PARP1: variants seen among roughly 807,000 people sequenced by gnomAD.
The protein encoded by PARP1 is poly [ADP-ribose] polymerase 1.
A neutral mutation model predicts 118.7 loss-of-function variants in PARP1; 44 were observed. The ratio of observed to expected loss-of-function variants is 0.37; its 90% CI spans 0.29 to 0.48. PARP1 has a LOEUF of 0.48. Ranked by LOEUF, PARP1 falls within the 20% of genes least tolerant of loss-of-function variation. The probability of loss-of-function intolerance (pLI) is 0.99; values close to 1 mark genes in which losing one functional copy is unlikely to be tolerated. For missense variants in PARP1, 1,100 were observed against 1,272.4 expected (o/e 0.86, Z 2.06); for synonymous variants, 492 against 483.2 (o/e 1.02, Z -0.24).
At position 226,401,905 on chromosome 1, in the gene PARP1, G is replaced by A. The variant is rs1211329928; in HGVS notation, c.286+309C>T. The A allele has an allele frequency of 1.3e-5, 16 of 1,239,380 alleles. No individual in the cohort carries two copies. The South Asian group carries it at 2.3e-4, about 18-fold the overall frequency. 76.8% of individuals were successfully genotyped at this position (1,239,380 alleles called of 1,614,324 possible). On this transcript the variant is annotated intron_variant, in intron 2 of 22. Transcript: ENST00000366794. ...CAAGGAAGAGCCTGTGTGGTGGGAG[G>A]GGGAGGGGGTACTGGAAACTCTTTG...
At chr1:226,364,457 G>T in intron 19 of PARP1, 1 of 338,770 alleles carries the variant, frequency 3.0e-6, no homozygotes, top group South Asian at 2.4e-5. Flanking sequence ...GAAACACGAG[G>T]TTCACAAAGG....
chr1:226,368,459 A>T (rs1286704295), intron 15 of PARP1, 138 bp from the exon 16 acceptor site: 6 of 1,052,548 alleles, frequency 5.7e-6, no homozygotes, highest in African/African-American at 3.1e-5. Flanking sequence ...GACACATGGG[A>T]AACGACCAGA....
In PARP1 at chr1:226,383,084, G is replaced by GCGGAGGCGTGGCCGCCA; in HGVS notation, c.1094_1110dup (p.Pro371TrpfsTer16). The GCGGAGGCGTGGCCGCCA allele has an allele frequency of 6.2e-7, 1 of 1,613,028 alleles. No individual in the cohort carries two copies. The highest frequency in any genetic ancestry group is 1.7e-5 in the Admixed American group (1 of 60,036). On this transcript the variant is annotated frameshift_variant, in exon 8 of 23. Coordinates refer to ENST00000366794, the MANE Select transcript of PARP1 (RefSeq NM_001618.4). LOFTEE classifies it high-confidence loss of function. Reference sequence around the variant, plus strand: ...GCAGCAGGAGCCGAGGCTGTGGAGGGCGGAGGCGTGGCCGCCACGGAGGCG... The same window carrying GCGGAGGCGTGGCCGCCA: ...GCAGCAGGAGCCGAGGCTGTGGAGGGCGGAGGCGTGGCCGCCACGGAGGCGTGGCCGCCACGGAGGCG...
chr1:226,406,530 C>G (rs1473215631), intron 1 of PARP1, among the ~76,000 whole-genome samples: 2 of 152,222 alleles, frequency 1.3e-5, no homozygotes, highest in Non-Finnish European at 2.9e-5. Context: ...GCTGGGTCAT[C>G]TCGGACTCCT....
chr1:226,389,242 C>A (rs574996744), intron 4 of PARP1, among the ~76,000 whole-genome samples: 11 of 152,078 alleles, frequency 7.2e-5, no homozygotes, highest in Non-Finnish European at 1.3e-4. Flanking sequence ...AGGCTGCTCA[C>A]AGAGGTGGGG....
At chr1:226,363,567 G>A (rs1277254890) in intron 20 of PARP1, among the ~76,000 whole-genome samples, 2 of 152,194 alleles carry the variant, frequency 1.3e-5, no homozygotes, top group African/African-American at 4.8e-5. Context: ...TGGAGAATCT[G>A]GAAGTGGAAT....
At position 226,361,433 on chromosome 1, in the gene PARP1, C is replaced by G. The variant is rs777807405; in HGVS notation, c.*27G>C. ...TCGGGTGAATTCATACCAGAGCCAC[C>G]GGGTGTGACTCGGCTACCTCTCCCA... On this transcript the variant is annotated 3_prime_UTR_variant, in exon 23 of 23. Transcript: ENST00000366794. 4.7e-6 allele frequency: 7 copies of G among 1,503,352 alleles called. No individual in the cohort carries two copies. In the Admixed American group the frequency reaches 1.2e-4, roughly 25 times the overall value. The allele number at this position is 1,503,352 out of a possible 1,614,324, so 93.1% of individuals were successfully genotyped here. A position where few individuals can be genotyped will look rare whatever the true frequency, so the allele number is the denominator to read the frequency against.
In PARP1 at chr1:226,386,459, G is replaced by C; in HGVS notation, c.718-17C>G. On this transcript the variant is annotated splice_polypyrimidine_tract_variant and intron_variant, in intron 5 of 22. Coordinates refer to ENST00000366794, the MANE Select transcript of PARP1 (RefSeq NM_001618.4). Reference sequence around the variant, plus strand: ...GTTCTGAGCCTATGGACAAGACCCAGTGGCTGAGAGGCTAGCTCTTTTCAA... The same window carrying C: ...GTTCTGAGCCTATGGACAAGACCCACTGGCTGAGAGGCTAGCTCTTTTCAA... 4 of 1,460,948 alleles carry C rather than the reference G, an allele frequency of 2.7e-6. No homozygotes were observed. Among genetic ancestry groups the C allele is most frequent in the Non-Finnish European group, 3.8e-6 (4 of 1,040,260 alleles). The allele number at this position is 1,460,948 out of a possible 1,614,324, so 90.5% of individuals were successfully genotyped here.
At chr1:226,391,875 A>G (rs1170252923) in intron 3 of PARP1, among the ~76,000 whole-genome samples, 2 of 152,182 alleles carry the variant, frequency 1.3e-5, no homozygotes, top group African/African-American at 4.8e-5. Context: ...CAGGGTAAAC[A>G]CACTCCTTAT....
Position 226,361,282 on chromosome 1 carries a change from A to C in PARP1, c.*178T>G. 4 of 675,742 alleles carry C rather than the reference A, an allele frequency of 5.9e-6. No individual in the cohort carries two copies. Among genetic ancestry groups the C allele is most frequent in the Non-Finnish European group, 5.5e-6 (2 of 364,706 alleles). 41.9% of individuals were successfully genotyped at this position (675,742 alleles called of 1,614,324 possible). On this transcript the variant is annotated 3_prime_UTR_variant, in exon 23 of 23. Coordinates refer to ENST00000366794, the MANE Select transcript of PARP1 (RefSeq NM_001618.4). ...AACCCCTCCCCACAGACACAACACA[A>C]AACAAGGGACTTGAGAAGTTAGAGA...
At chr1:226,395,065 A>C (rs1664889428) in intron 2 of PARP1, among the ~76,000 whole-genome samples, 1 of 152,210 alleles carries the variant, frequency 6.6e-6, no homozygotes, top group Non-Finnish European at 1.5e-5. Context: ...CGTTAGGGAA[A>C]TGAAAATCAA....
intron 21 of PARP1, among the ~76,000 whole-genome samples, chr1:226,362,799 C>A (rs1664174855): frequency 6.6e-6 from 1 of 152,058 alleles, no homozygotes; most frequent in Admixed American, 6.5e-5. Flanking sequence ...CCAGCTGCAG[C>A]CACAGAGAGT....
rs557518038 is a variant in PARP1, at chr1:226,372,768, G to A, written c.2070+1458C>T. 2.0e-5 allele frequency among the ~76,000 whole-genome samples: 3 copies of A among 152,332 alleles called. No homozygotes were observed. The East Asian group carries it at 5.8e-4, about 29-fold the overall frequency. ...TTTGAGAATAGCTGAGAACGTCTAT[G>A]AATCACAGATAGACCAAGGTGTGGG... is the stretch of plus-strand genomic sequence containing the variant. On this transcript the variant is annotated intron_variant, in intron 14 of 22. Transcript: ENST00000366794.
intron 1 of PARP1, 122 bp from the exon 2 acceptor site, chr1:226,402,501 T>C: frequency 1.1e-6 from 1 of 904,574 alleles, no homozygotes; most frequent in Non-Finnish European, 1.8e-6. Flanking sequence ...ACATGAAACT[T>C]TTGTTCTCCT....
intron 21 of PARP1, among the ~76,000 whole-genome samples, chr1:226,362,776 G>A (rs946970679): frequency 6.6e-6 from 1 of 152,030 alleles, no homozygotes; most frequent in African/African-American, 2.4e-5. Flanking sequence ...ATTCTCCTGT[G>A]GCATCTGTGA....
In PARP1 at chr1:226,408,008, G is replaced by A; in HGVS notation, c.-79C>T. ...ACGCTGCCGCCTCGCCGCCTCGCGT[G>A]CGCTCACCCAGCCGCAGGCGCCTGA... On this transcript the variant is annotated 5_prime_UTR_variant, in exon 1 of 23. Coordinates refer to ENST00000366794, the MANE Select transcript of PARP1 (RefSeq NM_001618.4). The A allele has an allele frequency of 1.3e-6, 2 of 1,593,004 alleles. No individual in the cohort carries two copies. The highest frequency in any genetic ancestry group is 2.2e-5 in the South Asian group (2 of 89,844).
intron 17 of PARP1, 123 bp from the exon 18 acceptor site, chr1:226,366,175 C>CGA (rs1218981156): frequency 2.5e-5 from 18 of 726,774 alleles, no homozygotes; most frequent in Non-Finnish European, 3.7e-5. Context: ...CGGGCATGAC[C>CGA]GAGAGCCTGT....
intron 14 of PARP1, among the ~76,000 whole-genome samples, chr1:226,372,994 G>T (rs577871783): frequency 6.6e-6 from 1 of 152,134 alleles, no homozygotes; most frequent in Non-Finnish European, 1.5e-5. Context: ...ACAAGCCCTG[G>T]CCATTTTTTA....
At position 226,402,319 on chromosome 1, in the gene PARP1, C is replaced by T. The variant is rs2102747224; in HGVS notation, c.181G>A (p.Gly61Ser). 2 of 1,613,994 alleles carry T rather than the reference C, an allele frequency of 1.2e-6. No homozygotes were observed. Among genetic ancestry groups the T allele is most frequent in the East Asian group, 4.5e-5 (2 of 44,894 alleles). Residue 61 changes from glycine (G) to serine (S), a missense_variant, in exon 2 of 23, where the codon GGC becomes AGC. Coordinates refer to ENST00000366794, the MANE Select transcript of PARP1 (RefSeq NM_001618.4). ...WYHFSCFWKV[G>S]HSIRHPDVEV... is the part of the protein sequence containing the mutation. ...ACGTCAGGGTGCCGGATGGAGTGGC[C>T]CACCTTCCAGAAGCAGGAGAAGTGG...
Sources: allele counts gnomAD v4.1 joint callset (sites outside exome capture counted in the v4.1 genomes callset), GRCh38; gene constraint gnomAD v4.1.1; transcripts MANE v1.5; gene names NCBI Gene and HGNC (gene_info 2026-07-23, HGNC 2026-07-21).